The following TTR variants were observed in gnomAD, a reference collection of about 807,000 sequenced individuals.
TTR encodes transthyretin.
Under a neutral mutation model 13.7 loss-of-function variants are expected in TTR, and 8 were observed. That is an observed-to-expected ratio of 0.58 (90% CI 0.34 to 1.05). TTR has a LOEUF of 1.05. Ranked by LOEUF, TTR falls within the 50% of genes least tolerant of loss-of-function variation. TTR has a pLI of 0.02. For synonymous variants in TTR, 75 were observed against 71.7 expected, an observed-to-expected ratio of 1.05 and a Z score of -0.23; for missense variants, 135 against 185.5, an observed-to-expected ratio of 0.73 and a Z score of 1.58.
chr18:31,595,584 G>C (rs2144410112), intron 3 of TTR: 3 of 408,618 alleles, frequency 7.3e-6, no homozygotes, highest in Middle Eastern at 7.0e-4. Flanking sequence ...CACGTAGAGT[G>C]TATGTAACAA....
At chr18:31,598,545 G>A (rs745742247) in intron 3 of TTR, 23 bp from the exon 4 acceptor site, 2 of 1,613,456 alleles carry the variant, frequency 1.2e-6, no homozygotes, top group East Asian at 2.2e-5. Flanking sequence ...GGTGGAAATG[G>A]ATCTGTCTGT....
At chr18:31,598,026 T>C (rs1341873717) in intron 3 of TTR, 3 of 201,882 alleles carry the variant, frequency 1.5e-5, no homozygotes, top group East Asian at 2.2e-4. Context: ...AATAGGAGGG[T>C]GGGGGAATCT....
rs121918092 is a variant in TTR at position 31,598,617 on chromosome 18, C to T, written c.386C>T (p.Ala129Val). 1.2e-5 allele frequency: 19 copies of T among 1,614,066 alleles called. No homozygotes were observed. Among genetic ancestry groups the T allele is most frequent in the Admixed American group, 5.0e-5 (3 of 60,014 alleles). Residue 129 changes from alanine to valine, a missense_variant, in exon 4 of 4, where the codon GCC becomes GTC. Coordinates refer to ENST00000237014, the MANE Select transcript of TTR (RefSeq NM_000371.4). ...GGCCCCCGCCGCTACACCATTGCCG[C>T]CCTGCTGAGCCCCTACTCCTATTCC... Reference protein sequence around the residue: ...DSGPRRYTIAALLSPYSYSTT... With the variant: ...DSGPRRYTIAVLLSPYSYSTT...
At chr18:31,596,673 T>TAA (rs10707844) in intron 3 of TTR, among the ~76,000 whole-genome samples, 8 of 144,948 alleles carry the variant, frequency 5.5e-5, no homozygotes, top group African/African-American at 1.8e-4. Flanking sequence ...CAACAAACAT[T>TAA]AAAAAAAAAA....
rs775671906 is a variant in TTR at position 31,595,255 on chromosome 18, G to A, written c.336G>A (p.Glu112=). ...LGISPFHEHA[E]VVFTANDSGP... ...TCTCCCCATTCCATGAGCATGCAGA[G>A]GTGAGTATACAGACCTTCGAGGGTT... Residue 112 remains glutamate (E), a splice_region_variant and synonymous_variant, in exon 3 of 4, where the codon GAG becomes GAA. Coordinates refer to ENST00000237014, the MANE Select transcript of TTR (RefSeq NM_000371.4). The A allele has an allele frequency of 5.6e-6, 9 of 1,614,142 alleles. No homozygotes were observed. Among genetic ancestry groups the A allele is most frequent in the Non-Finnish European group, 7.6e-6 (9 of 1,180,018 alleles).
chr18:31,591,928 T>C lies in TTR; in HGVS notation c.26T>C (p.Leu9Pro). Residue 9 changes from leucine (L) to proline (P), a missense_variant, in exon 1 of 4, where the codon CTC becomes CCC. Coordinates refer to ENST00000237014, the MANE Select transcript of TTR (RefSeq NM_000371.4). ...ATGGCTTCTCATCGTCTGCTCCTCC[T>C]CTGCCTTGCTGGACTGGTATTTGTG... is the stretch of plus-strand genomic sequence containing the variant. The part of the protein sequence containing the change: MASHRLLL[L>P]CLAGLVFVSE... The C allele has an allele frequency of 6.2e-7, 1 of 1,614,192 alleles. No individual in the cohort carries two copies. The highest frequency in any genetic ancestry group is 8.5e-7 in the Non-Finnish European group (1 of 1,180,032).
chr18:31,592,088 T>C, intron 1 of TTR, 117 bp downstream of exon 1: 2 of 1,001,622 alleles, frequency 2.0e-6, no homozygotes, highest in Non-Finnish European at 3.1e-6. Flanking sequence ...GTACCCAGCA[T>C]CTATTTTTAA....
rs200811834 is a variant in TTR, at chr18:31,593,073, G to A, written c.200+47G>A. The A allele has an allele frequency of 1.7e-5, 28 of 1,610,834 alleles. No individual in the cohort carries two copies. The East Asian group carries it at 4.0e-4, about 23-fold the overall frequency. On this transcript the variant is annotated intron_variant, in intron 2 of 3. Transcript: ENST00000237014. ...CCACAGGACTTGGTTTTATCTTCCC[G>A]TTTGCCCCTCACTTGGTAGAGAGAG... is the stretch of plus-strand genomic sequence containing the variant.
chr18:31,598,198 T>C (rs575375857), intron 3 of TTR: 8 of 355,922 alleles, frequency 2.2e-5, no homozygotes, highest in East Asian at 2.2e-4. Flanking sequence ...GCAGCCACTA[T>C]TGCAGCAGCT....
chr18:31,598,398 G>T, intron 3 of TTR, 170 bp from the exon 4 acceptor site: 1 of 743,868 alleles, frequency 1.3e-6, no homozygotes, highest in Non-Finnish European at 2.4e-6. Flanking sequence ...GGTTCCAAAG[G>T]CTTAGCTTGC....
rs756480693 is a variant in TTR, at chr18:31,598,520, C to T, written c.337-48C>T. 1.1e-5 allele frequency: 18 copies of T among 1,594,964 alleles called. No individual in the cohort carries two copies. In the African/African-American group the frequency reaches 1.2e-4, roughly 11 times the overall value. The stretch of plus-strand genomic sequence containing the variant: ...GGTCAGTCATGTGTGTCATCTGTCA[C>T]GTTTTTCGGGCTCTGGTGGAAATGG... On this transcript the variant is annotated intron_variant, in intron 3 of 3. Coordinates refer to ENST00000237014, the MANE Select transcript of TTR (RefSeq NM_000371.4).
chr18:31,597,815 T>C (rs1446764429), intron 3 of TTR, among the ~76,000 whole-genome samples: 1 of 152,206 alleles, frequency 6.6e-6, no homozygotes, highest in African/African-American at 2.4e-5. Flanking sequence ...TGTGTGACTA[T>C]CTGGAACAGC....
intron 2 of TTR, among the ~76,000 whole-genome samples, chr18:31,594,301 C>T (rs1228813238): frequency 6.6e-6 from 1 of 152,142 alleles, no homozygotes; most frequent in African/African-American, 2.4e-5. Context: ...ATAGAAGTTG[C>T]CTAGTGTTTG....
At position 31,595,072 on chromosome 18, in the gene TTR, A is replaced by G. The variant is rs992428266; in HGVS notation, c.201-48A>G. On this transcript the variant is annotated intron_variant, in intron 2 of 3. Transcript: ENST00000237014. ...TGGGGGTGTATTACTTTGCCATGCC[A>G]TTTGTTTCCTCCATGCGTAACTTAA... 4 of 1,611,230 alleles carry G rather than the reference A, an allele frequency of 2.5e-6. No individual in the cohort carries two copies. In the African/African-American group the frequency reaches 4.0e-5, roughly 16 times the overall value.
rs1567945731 is a variant in TTR, at chr18:31,593,027, G to A, written c.200+1G>A. 1 of 1,613,790 alleles carries A rather than the reference G, an allele frequency of 6.2e-7. No homozygotes were observed. Among genetic ancestry groups the A allele is most frequent in the Non-Finnish European group, 8.5e-7 (1 of 1,179,792 alleles). On this transcript the variant is annotated splice_donor_variant, in intron 2 of 3. Coordinates refer to ENST00000237014, the MANE Select transcript of TTR (RefSeq NM_000371.4). LOFTEE classifies it high-confidence loss of function. ...ACACCTGGGAGCCATTTGCCTCTGG[G>A]TAAGTTGCCAAAGAACCCTCCCACA...
At chr18:31,592,016 C>T (rs774963839) in intron 1 of TTR, 45 bp downstream of exon 1, 5 of 1,599,494 alleles carry the variant, frequency 3.1e-6, no homozygotes, top group Non-Finnish European at 4.3e-6. Flanking sequence ...AAGATTCACG[C>T]TAAATGAAGT....
chr18:31,592,121 A>G (rs1408678767), intron 1 of TTR, 150 bp downstream of exon 1: 19 of 806,482 alleles, frequency 2.4e-5, no homozygotes, highest in Non-Finnish European at 3.4e-5. Flanking sequence ...AAACTTCAAA[A>G]AGAATGAAGT....
rs2276382 is a variant in TTR, at chr18:31,598,648, G to A, written c.417G>A (p.Thr139=). The A allele has an allele frequency of 1.0e-3, 1,661 of 1,614,100 alleles. 13 individuals are homozygous for A. The East Asian group carries it at 0.018, about 18-fold the overall frequency. The change falls in exon 4 of 4, where the codon ACG becomes ACA. Residue 139 remains threonine, a synonymous_variant. Coordinates refer to ENST00000237014, the MANE Select transcript of TTR (RefSeq NM_000371.4). ...TGAGCCCCTACTCCTATTCCACCAC[G>A]GCTGTCGTCACCAATCCCAAGGAAT... The part of the protein sequence containing the change: ...ALLSPYSYST[T]AVVTNPKE
At chr18:31,598,464 AAATT>A (rs1567946904) in intron 3 of TTR, 100 bp from the exon 4 acceptor site, 2 of 1,094,424 alleles carry the variant, frequency 1.8e-6, no homozygotes, top group East Asian at 2.5e-5. Flanking sequence ...TAAAAGAATA[AAATT>A]AATTAAGTTG....
Sources: gnomAD v4.1 joint callset for allele counts (sites outside exome capture counted in the v4.1 genomes callset) on GRCh38, gnomAD v4.1.1 for gene constraint, MANE v1.5 for transcripts, NCBI Gene and HGNC (gene_info 2026-07-23, HGNC 2026-07-21) for gene names.